Variants in MTSS1 observed in about 807,000 individuals in gnomAD.
MTSS1 encodes MTSS I-BAR domain containing 1, also known as protein MTSS 1.
MTSS1 carries 18 observed loss-of-function variants against 79.0 expected under a neutral mutation model. The ratio of observed to expected loss-of-function variants is 0.23; its 90% CI spans 0.16 to 0.34. The LOEUF is 0.34. Ranked by LOEUF, MTSS1 falls within the 10% of genes least tolerant of loss-of-function variation. The pLI, the probability that MTSS1 is intolerant of heterozygous loss-of-function variation, is 1.00. For synonymous variants in MTSS1, 341 were observed against 368.6 expected (o/e 0.93, Z 0.86); for missense variants, 815 against 986.2 (o/e 0.83, Z 2.33).
At chr8:124,620,483 C>T (rs188471961) in intron 3 of MTSS1, among the ~76,000 whole-genome samples, 105 of 152,280 alleles carry the variant, frequency 6.9e-4, no homozygotes, top group African/African-American at 2.2e-3. Context: ...AGCAAGGTCA[C>T]GGCATGCATT....
chr8:124,715,422 G>A (rs1214676483), intron 1 of MTSS1, among the ~76,000 whole-genome samples: 2 of 150,848 alleles, frequency 1.3e-5, no homozygotes, highest in Non-Finnish European at 2.9e-5. Context: ...CTTTTAAACT[G>A]AGACCTCTCC....
chr8:124,642,834 G>A (rs534084179), intron 3 of MTSS1, among the ~76,000 whole-genome samples: 3 of 152,204 alleles, frequency 2.0e-5, no homozygotes, highest in South Asian at 2.1e-4. Context: ...CTCAGGTGAC[G>A]TGCCTGCCTC....
In MTSS1 at chr8:124,677,193, A is replaced by AT. The variant is rs543936916; in HGVS notation, c.208+22332dup. Among the ~76,000 whole-genome samples, 337 of 152,100 alleles carry AT rather than the reference A, an allele frequency of 2.2e-3. 3 individuals carry two copies. The highest frequency in any genetic ancestry group is 7.9e-3 in the African/African-American group (326 of 41,486). On this transcript the variant is annotated intron_variant, in intron 3 of 13. Transcript: ENST00000518547. ...CAAATCAGGAGGAGGCAGGGAGAAAATTTTTTTTAAGATTAATCTTGAACA... is the reference window on the plus strand; with the variant it reads ...CAAATCAGGAGGAGGCAGGGAGAAAATTTTTTTTTAAGATTAATCTTGAACA...
At chr8:124,665,911 G>A (rs1488347917) in intron 3 of MTSS1, among the ~76,000 whole-genome samples, 1 of 151,356 alleles carries the variant, frequency 6.6e-6, no homozygotes, top group Non-Finnish European at 1.5e-5. Flanking sequence ...ACAGTCTACA[G>A]TGTTGAAGTT....
intron 9 of MTSS1, chr8:124,564,949 GTTAAA>G (rs1185128567): frequency 2.6e-5 from 4 of 152,326 alleles, no homozygotes; most frequent in African/African-American, 9.6e-5. Flanking sequence ...GGCTTTGAAA[GTTAAA>G]TTAAAAGAGT....
chr8:124,562,556 A>G (rs1389236360), intron 10 of MTSS1, among the ~76,000 whole-genome samples: 1 of 152,208 alleles, frequency 6.6e-6, no homozygotes, highest in East Asian at 1.9e-4. Flanking sequence ...CCCCAAATCG[A>G]TGTGGTAATG....
At chr8:124,695,458 CA>C (rs1255156242) in intron 3 of MTSS1, among the ~76,000 whole-genome samples, 1 of 152,166 alleles carries the variant, frequency 6.6e-6, no homozygotes, top group Non-Finnish European at 1.5e-5. Flanking sequence ...ACCCTAAGCC[CA>C]AATCTATTTG....
chr8:124,639,129 G>C (rs555674612), intron 3 of MTSS1, among the ~76,000 whole-genome samples: 2 of 152,308 alleles, frequency 1.3e-5, no homozygotes, highest in Non-Finnish European at 2.9e-5. Flanking sequence ...TAGAGGTCAG[G>C]AGTTCCAGAC....
intron 3 of MTSS1, among the ~76,000 whole-genome samples, chr8:124,664,955 A>C (rs1822781522): frequency 6.6e-6 from 1 of 152,218 alleles, no homozygotes; most frequent in Admixed American, 6.5e-5. Context: ...AAGGCATTTC[A>C]TATTTTAGTT....
chr8:124,698,326 A>G (rs778937122), intron 3 of MTSS1, among the ~76,000 whole-genome samples: 8 of 152,078 alleles, frequency 5.3e-5, no homozygotes, highest in Non-Finnish European at 1.0e-4. Context: ...AAATTTTCCA[A>G]TGTCACCACG....
intron 3 of MTSS1, among the ~76,000 whole-genome samples, chr8:124,677,981 G>A (rs750213793): frequency 2.4e-4 from 36 of 152,028 alleles, no homozygotes; most frequent in Non-Finnish European, 4.7e-4. Flanking sequence ...TGCCTCTAAC[G>A]TGTCTAGTAC....
At chr8:124,595,305 A>G (rs1230416974) in intron 3 of MTSS1, among the ~76,000 whole-genome samples, 1 of 152,212 alleles carries the variant, frequency 6.6e-6, no homozygotes, top group African/African-American at 2.4e-5. Context: ...GCTTAAAACA[A>G]CAGAAGTTTA....
intron 1 of MTSS1, among the ~76,000 whole-genome samples, chr8:124,722,722 T>G (rs1167645121): frequency 6.6e-6 from 1 of 152,210 alleles, no homozygotes; most frequent in East Asian, 1.9e-4. Context: ...ATTTCTTGTC[T>G]GACATCCTAG....
Position 124,667,679 on chromosome 8 carries a change from G to A in MTSS1, c.208+31847C>T, listed in dbSNP as rs1344967946. 2.0e-5 allele frequency among the ~76,000 whole-genome samples: 3 copies of A among 151,894 alleles called. No homozygotes were observed. In the East Asian group the frequency reaches 5.8e-4, roughly 29 times the overall value. The stretch of plus-strand genomic sequence containing the variant: ...AAAATAAATAAATAACAACAACTCC[G>A]GGAGGAGGTATTATTATCATTTCAG... On this transcript the variant is annotated intron_variant, in intron 3 of 13. Transcript: ENST00000518547.
intron 3 of MTSS1, among the ~76,000 whole-genome samples, chr8:124,619,672 CT>C (rs11367869): frequency 0.26 from 39,505 of 150,388 alleles, 7,020 homozygotes; most frequent in African/African-American, 0.51. Flanking sequence ...TCTTTTCAGA[CT>C]TTTTTTTTTA....
chr8:124,569,506 C>T (rs891697850), intron 6 of MTSS1, among the ~76,000 whole-genome samples: 9 of 152,192 alleles, frequency 5.9e-5, no homozygotes, highest in Non-Finnish European at 8.8e-5. Context: ...TCCAAAGGAG[C>T]AGCTACTACA....
At chr8:124,715,090 G>T (rs187228654) in intron 1 of MTSS1, among the ~76,000 whole-genome samples, 1 of 152,146 alleles carries the variant, frequency 6.6e-6, no homozygotes, top group African/African-American at 2.4e-5. Context: ...GTGACTTCAC[G>T]TTGGTCCATT....
intron 1 of MTSS1, among the ~76,000 whole-genome samples, chr8:124,717,692 T>C (rs1832295670): frequency 6.6e-6 from 1 of 152,140 alleles, no homozygotes; most frequent in Non-Finnish European, 1.5e-5. Context: ...CAAGACTCCA[T>C]CTCAAAAAAT....
At chr8:124,716,340 G>A (rs1831974377) in intron 1 of MTSS1, among the ~76,000 whole-genome samples, 1 of 152,224 alleles carries the variant, frequency 6.6e-6, no homozygotes, top group African/African-American at 2.4e-5. Flanking sequence ...AGGAAGTCGA[G>A]ATCATGCTCT....
Sources: allele counts gnomAD v4.1 joint callset (sites outside exome capture counted in the v4.1 genomes callset), GRCh38; gene constraint gnomAD v4.1.1; transcripts MANE v1.5; gene names NCBI Gene and HGNC (gene_info 2026-07-23, HGNC 2026-07-21).